The following SEZ6L variants were observed in gnomAD, a reference collection of about 807,000 sequenced individuals.
SEZ6L encodes seizure related 6 homolog like, also known as seizure 6-like protein.
SEZ6L carries 37 observed loss-of-function variants against 106.2 expected under a neutral mutation model. The ratio of observed to expected loss-of-function variants is 0.35; its 90% confidence interval spans 0.27 to 0.46. SEZ6L has a LOEUF of 0.46. Among genes scored for constraint, SEZ6L ranks in the 20% least tolerant of loss-of-function variants. The probability of loss-of-function intolerance (pLI) is 1.00; values close to 1 mark genes in which losing one functional copy is unlikely to be tolerated. For missense variants in SEZ6L, 1,172 were observed against 1,332.8 expected (o/e 0.88, Z 1.88); for synonymous variants, 541 against 570.4 (o/e 0.95, Z 0.73).
At chr22:26,218,117 A>G (rs1246447312) in intron 1 of SEZ6L, among the ~76,000 whole-genome samples, 3 of 152,208 alleles carry the variant, frequency 2.0e-5, no homozygotes, top group Non-Finnish European at 4.4e-5. Context: ...AAGAAAAACA[A>G]TGTCTCCCAT....
intron 12 of SEZ6L, among the ~76,000 whole-genome samples, chr22:26,361,563 T>C (rs2083636282): frequency 1.3e-5 from 2 of 151,026 alleles, no homozygotes; most frequent in Non-Finnish European, 2.9e-5. Context: ...ACAGTACAAT[T>C]GGTATGAAAA....
intron 1 of SEZ6L, among the ~76,000 whole-genome samples, chr22:26,225,545 C>G (rs945977289): frequency 7.2e-5 from 11 of 152,118 alleles, no homozygotes; most frequent in Non-Finnish European, 1.6e-4. Context: ...AATTAGATGA[C>G]TCGAAGAAGA....
chr22:26,188,753 C>T (rs918200317), intron 1 of SEZ6L, among the ~76,000 whole-genome samples: 15 of 152,136 alleles, frequency 9.9e-5, no homozygotes, highest in Non-Finnish European at 1.6e-4. Context: ...AACAGAAAAG[C>T]CATAGCTCTA....
At chr22:26,264,972 A>T (rs542851152) in intron 1 of SEZ6L, among the ~76,000 whole-genome samples, 1 of 152,296 alleles carries the variant, frequency 6.6e-6, no homozygotes, top group South Asian at 2.1e-4. Flanking sequence ...ATATGGGGAT[A>T]TTCTGCAGGC....
chr22:26,364,429 A>G (rs1175805905), intron 12 of SEZ6L, among the ~76,000 whole-genome samples: 1 of 17,872 alleles, frequency 5.6e-5, no homozygotes, highest in Non-Finnish European at 1.1e-4. Flanking sequence ...CTACTTTAAA[A>G]AAAAAAAAAA....
chr22:26,249,100 G>A (rs1399738159), intron 1 of SEZ6L, among the ~76,000 whole-genome samples: 1 of 152,054 alleles, frequency 6.6e-6, no homozygotes, highest in Non-Finnish European at 1.5e-5. Flanking sequence ...ATTTCAATAC[G>A]TGTACACAAA....
chr22:26,276,913 C>G (rs749963446), intron 1 of SEZ6L, among the ~76,000 whole-genome samples: 8 of 152,176 alleles, frequency 5.3e-5, no homozygotes, highest in Non-Finnish European at 1.0e-4. Context: ...GTGCCAGACT[C>G]TCTGGGCTCA....
At chr22:26,334,109 A>C (rs922755751) in intron 9 of SEZ6L, among the ~76,000 whole-genome samples, 13 of 152,128 alleles carry the variant, frequency 8.5e-5, no homozygotes, top group African/African-American at 3.1e-4. Flanking sequence ...TCTTTTTTTT[A>C]ATTGAGGTGA....
At chr22:26,360,891 A>AC (rs1164488021) in intron 12 of SEZ6L, among the ~76,000 whole-genome samples, 2 of 151,970 alleles carry the variant, frequency 1.3e-5, no homozygotes, top group Non-Finnish European at 2.9e-5. Flanking sequence ...CTGAAAAAAA[A>AC]ACAAAAAACA....
At chr22:26,281,056 T>C (rs2080745191) in intron 1 of SEZ6L, among the ~76,000 whole-genome samples, 2 of 152,234 alleles carry the variant, frequency 1.3e-5, no homozygotes, top group Non-Finnish European at 2.9e-5. Flanking sequence ...CATGTTGGAA[T>C]TTAATCCCCA....
Position 26,382,865 on chromosome 22 carries a change from C to T in SEZ6L, c.*2570C>T, listed in dbSNP as rs2084453039. On this transcript the variant is annotated 3_prime_UTR_variant, in exon 17 of 17. Transcript: ENST00000248933. Reference sequence around the variant, plus strand: ...GAATAGGATACACTCTTGAGAAACTCGAGAATGGACTGAGCCTTCCTACAA... The same window carrying T: ...GAATAGGATACACTCTTGAGAAACTTGAGAATGGACTGAGCCTTCCTACAA... The T allele has an allele frequency of 6.6e-6, 1 of 152,076 alleles. No individual in the cohort carries two copies. The highest frequency in any genetic ancestry group is 1.5e-5 in the Non-Finnish European group (1 of 68,028). 9.4% of individuals were successfully genotyped at this position (152,076 alleles called of 1,614,324 possible).
At chr22:26,328,778 G>A (rs1451929325) in intron 9 of SEZ6L, among the ~76,000 whole-genome samples, 1 of 152,134 alleles carries the variant, frequency 6.6e-6, no homozygotes, top group Admixed American at 6.5e-5. Flanking sequence ...AGGGAGAAAG[G>A]AGGAGGAGAT....
At position 26,332,473 on chromosome 22, in the gene SEZ6L, A is replaced by G. The variant is rs371189990; in HGVS notation, c.2016-7963A>G. On this transcript the variant is annotated intron_variant, in intron 9 of 16. Coordinates refer to ENST00000248933, the MANE Select transcript of SEZ6L (RefSeq NM_021115.5). ...TCCAGATTTTTTTTTTTTAGACAGC[A>G]TCTCACTGTGTCACCCATGCTGGAG... is the stretch of plus-strand genomic sequence containing the variant. 3.4e-3 allele frequency among the ~76,000 whole-genome samples: 498 copies of G among 145,496 alleles called. 7 individuals are homozygous for G. The highest frequency in any genetic ancestry group is 0.012 in the African/African-American group (460 of 39,544).
intron 1 of SEZ6L, among the ~76,000 whole-genome samples, chr22:26,172,750 C>T (rs182833707): frequency 6.6e-6 from 1 of 152,310 alleles, no homozygotes; most frequent in East Asian, 1.9e-4. Flanking sequence ...CATTTTATTA[C>T]TGTTTCTCAG....
At chr22:26,259,438 C>G (rs1387426014) in intron 1 of SEZ6L, among the ~76,000 whole-genome samples, 2 of 152,206 alleles carry the variant, frequency 1.3e-5, no homozygotes. Context: ...GGCTACTCTG[C>G]TCCAACTAGC....
intron 1 of SEZ6L, among the ~76,000 whole-genome samples, chr22:26,234,327 G>T (rs921458087): frequency 6.6e-6 from 1 of 152,234 alleles, no homozygotes; most frequent in Admixed American, 6.5e-5. Flanking sequence ...GACCTTGGGG[G>T]AAGGAAATAA....
intron 1 of SEZ6L, among the ~76,000 whole-genome samples, chr22:26,273,693 A>G (rs1231094243): frequency 6.6e-6 from 1 of 152,146 alleles, no homozygotes; most frequent in Non-Finnish European, 1.5e-5. Context: ...AAGAGGGTAG[A>G]GATGATGTGT....
intron 1 of SEZ6L, among the ~76,000 whole-genome samples, chr22:26,260,052 G>T (rs5761457): frequency 0.13 from 19,347 of 152,086 alleles, 1,634 homozygotes; most frequent in East Asian, 0.35. Context: ...ATCTAATAGA[G>T]GAATAAATTA....
chr22:26,172,111 A>G (rs183033840), intron 1 of SEZ6L, among the ~76,000 whole-genome samples: 1 of 152,300 alleles, frequency 6.6e-6, no homozygotes, highest in East Asian at 1.9e-4. Flanking sequence ...AGATATGCAC[A>G]TGGGGAATAA....
Sources: gnomAD v4.1 joint callset for allele counts (sites outside exome capture counted in the v4.1 genomes callset) on GRCh38, gnomAD v4.1.1 for gene constraint, MANE v1.5 for transcripts, NCBI Gene and HGNC (gene_info 2026-07-23, HGNC 2026-07-21) for gene names.